Variants in TNR observed in about 807,000 individuals in gnomAD.
The protein encoded by TNR is tenascin R, also known as tenascin-R.
In TNR, 45 loss-of-function variants were observed where a neutral mutation model predicts 150.4. The ratio of observed to expected loss-of-function variants is 0.30; its 90% CI spans 0.24 to 0.38. TNR has a LOEUF of 0.38. Ranked by LOEUF, TNR falls within the 10% of genes least tolerant of loss-of-function variation. The pLI is 1.00. For synonymous variants in TNR, 687 were observed against 678.4 expected (o/e 1.01, Z -0.20); for missense variants, 1,544 against 1,759.1 (o/e 0.88, Z 2.19).
At chr1:175,546,374 GT>G (rs1480496134) in intron 1 of TNR, among the ~76,000 whole-genome samples, 1 of 152,188 alleles carries the variant, frequency 6.6e-6, no homozygotes, top group East Asian at 1.9e-4. Flanking sequence ...AGGCTACAGA[GT>G]GACAGAATCT....
intron 2 of TNR, among the ~76,000 whole-genome samples, chr1:175,489,372 C>T (rs370144805): frequency 1.3e-5 from 2 of 152,324 alleles, no homozygotes; most frequent in African/African-American, 4.8e-5. Context: ...TCATAGCTGC[C>T]ATCCTCGATG....
At chr1:175,614,509 T>C (rs1369413971) in intron 1 of TNR, among the ~76,000 whole-genome samples, 1 of 152,224 alleles carries the variant, frequency 6.6e-6, no homozygotes, top group Non-Finnish European at 1.5e-5. Flanking sequence ...AATGTCTGAC[T>C]TTTTCCACTT....
intron 9 of TNR, among the ~76,000 whole-genome samples, chr1:175,368,664 C>A (rs919102357): frequency 6.6e-6 from 1 of 152,134 alleles, no homozygotes. Flanking sequence ...AAAAACCCAA[C>A]AAAGGCAGGG....
chr1:175,503,504 A>G (rs1658824799), intron 2 of TNR, among the ~76,000 whole-genome samples: 1 of 152,136 alleles, frequency 6.6e-6, no homozygotes, highest in African/African-American at 2.4e-5. Context: ...TATTTATGTA[A>G]ATGAGCCGAC....
intron 1 of TNR, among the ~76,000 whole-genome samples, chr1:175,610,492 T>C (rs893682743): frequency 6.6e-6 from 1 of 152,236 alleles, no homozygotes; most frequent in East Asian, 1.9e-4. Flanking sequence ...CCCAGTTATC[T>C]GAACTTTGGT....
intron 2 of TNR, among the ~76,000 whole-genome samples, chr1:175,501,914 G>C (rs998367970): frequency 6.6e-6 from 1 of 152,142 alleles, no homozygotes; most frequent in African/African-American, 2.4e-5. Flanking sequence ...GTCTGGTGTG[G>C]GTACAGACAA....
intron 1 of TNR, among the ~76,000 whole-genome samples, chr1:175,651,859 C>T (rs1203338051): frequency 6.6e-6 from 1 of 151,348 alleles, no homozygotes; most frequent in South Asian, 2.1e-4. Context: ...GTTATGAAAT[C>T]GTAACCAAAT....
intron 2 of TNR, among the ~76,000 whole-genome samples, chr1:175,512,341 A>G (rs924427238): frequency 6.6e-6 from 1 of 152,238 alleles, no homozygotes; most frequent in Non-Finnish European, 1.5e-5. Flanking sequence ...TATTTTAAAA[A>G]TCTTTATCAG....
intron 2 of TNR, among the ~76,000 whole-genome samples, chr1:175,516,211 T>C (rs1298421226): frequency 1.3e-5 from 2 of 152,218 alleles, no homozygotes; most frequent in Non-Finnish European, 2.9e-5. Flanking sequence ...CTGAAATGAT[T>C]AACATAAGAG....
chr1:175,452,382 C>G (rs77184021), intron 2 of TNR, among the ~76,000 whole-genome samples: 1 of 152,212 alleles, frequency 6.6e-6, no homozygotes, highest in Non-Finnish European at 1.5e-5. Flanking sequence ...AGAAAATAAA[C>G]CCTGGAAACA....
At chr1:175,406,891 GC>G in intron 2 of TNR, 114 bp from the exon 3 acceptor site, 1 of 683,590 alleles carries the variant, frequency 1.5e-6, no homozygotes, top group Non-Finnish European at 2.4e-6. Flanking sequence ...CAAGGGGGGG[GC>G]GTCAGGAAGG....
At position 175,323,102 on chromosome 1, in the gene TNR, TCTC is replaced by T. The variant is rs1649152051; in HGVS notation, c.*252_*254del. 2.7e-6 allele frequency: 1 copy of T among 372,876 alleles called. No individual in the cohort carries two copies. Among genetic ancestry groups the T allele is most frequent in the Non-Finnish European group, 4.8e-6 (1 of 208,426 alleles). The allele number at this position is 372,876 out of a possible 1,614,324, so 23.1% of individuals were successfully genotyped here. On this transcript the variant is annotated 3_prime_UTR_variant, in exon 23 of 23. Transcript: ENST00000367674. ...TGGCCCTTTAAGAAAACTTCCTACT[TCTC>T]CTCCTTGGTGGGAAAGGAGGTGAAG...
Position 175,740,357 on chromosome 1 carries a change from G to A in TNR, c.-165+2869C>T, listed in dbSNP as rs559456479. 4.0e-4 allele frequency among the ~76,000 whole-genome samples: 61 copies of A among 152,290 alleles called. No homozygotes were observed. The South Asian group carries it at 0.012, about 30-fold the overall frequency. ...TACATCTTTTTTGGGGTATACAAGTGTACACAATTGTCAAAACTTAATCTG... is the reference window on the plus strand; with the variant it reads ...TACATCTTTTTTGGGGTATACAAGTATACACAATTGTCAAAACTTAATCTG... On this transcript the variant is annotated intron_variant, in intron 1 of 22. Transcript: ENST00000367674.
chr1:175,396,236 T>TAA (rs1251125864), intron 5 of TNR, among the ~76,000 whole-genome samples: 4 of 152,258 alleles, frequency 2.6e-5, no homozygotes, highest in African/African-American at 9.6e-5. Flanking sequence ...GTAGATGTCT[T>TAA]ACACTTTCCT....
At chr1:175,695,866 A>G (rs139999554) in intron 1 of TNR, among the ~76,000 whole-genome samples, 4 of 152,354 alleles carry the variant, frequency 2.6e-5, no homozygotes, top group African/African-American at 9.6e-5. Flanking sequence ...CCTCAAGGCC[A>G]GACATGGTGC....
intron 1 of TNR, among the ~76,000 whole-genome samples, chr1:175,725,393 T>C (rs2101948237): frequency 6.6e-6 from 1 of 152,326 alleles, no homozygotes; most frequent in Admixed American, 6.5e-5. Flanking sequence ...GTCATCACCA[T>C]GAAAACCACA....
chr1:175,538,842 G>A (rs1660390872), intron 1 of TNR: 1 of 152,258 alleles, frequency 6.6e-6, no homozygotes, highest in Non-Finnish European at 1.5e-5. Flanking sequence ...TGTCCCAGAT[G>A]TTGGGATTAT....
chr1:175,569,879 C>G (rs1421965274), intron 1 of TNR, among the ~76,000 whole-genome samples: 1 of 152,144 alleles, frequency 6.6e-6, no homozygotes, highest in Non-Finnish European at 1.5e-5. Context: ...AGTTGATAAG[C>G]CTGAGATCCA....
Position 175,671,911 on chromosome 1 carries a change from C to CTGTGTGTATGTGTGTGTGTGTG in TNR, c.-165+71314_-165+71315insCACACACACACACATACACACA, listed in dbSNP as rs376597060. Reference sequence around the variant, plus strand: ...TCCAAGGGAGTCTTATGAGCTGTACCTGTGTGTGTGTGTGTGTGTGTGTGT... The same window carrying CTGTGTGTATGTGTGTGTGTGTG: ...TCCAAGGGAGTCTTATGAGCTGTACCTGTGTGTATGTGTGTGTGTGTGTGTGTGTGTGTGTGTGTGTGTGTGT... On this transcript the variant is annotated intron_variant, in intron 1 of 22. Coordinates refer to ENST00000367674, the MANE Select transcript of TNR (RefSeq NM_003285.3). 1.2e-3 allele frequency among the ~76,000 whole-genome samples: 175 copies of CTGTGTGTATGTGTGTGTGTGTG among 142,138 alleles called. 1 individual carries two copies. Among genetic ancestry groups the CTGTGTGTATGTGTGTGTGTGTG allele is most frequent in the Non-Finnish European group, 1.9e-3 (123 of 65,280 alleles). The allele number at this position is 142,138 out of a possible 152,430, so 93.2% of individuals were successfully genotyped here. A position where few individuals can be genotyped will look rare whatever the true frequency, so the allele number is the denominator to read the frequency against.
Sources: allele counts gnomAD v4.1 joint callset (sites outside exome capture counted in the v4.1 genomes callset), GRCh38; gene constraint gnomAD v4.1.1; transcripts MANE v1.5; gene names NCBI Gene and HGNC (gene_info 2026-07-23, HGNC 2026-07-21).